The following NEK4 variants were observed in gnomAD, a reference collection of about 807,000 sequenced individuals.
NEK4 encodes serine/threonine-protein kinase Nek4.
Under a neutral mutation model 98.4 loss-of-function variants are expected in NEK4, and 86 were observed. That is an observed-to-expected ratio of 0.87 (90% CI 0.73 to 1.05). The LOEUF (loss-of-function observed/expected upper bound fraction) is 1.05, where lower values mean the gene tolerates loss of function less well. Among genes scored for constraint, NEK4 ranks in the 50% least tolerant of loss-of-function variants. NEK4 has a pLI of 0.00. For missense variants in NEK4, 898 were observed against 950.3 expected (o/e 0.94, Z 0.72); for synonymous variants, 328 against 342.2 (o/e 0.96, Z 0.46).
chr3:52,753,561 A>C (rs2097409349), intron 6 of NEK4: 1 of 540,404 alleles, frequency 1.9e-6, no homozygotes, highest in Non-Finnish European at 3.7e-6. Context: ...CAAGCTCTAC[A>C]TGGAAACGAT....
chr3:52,744,739 CA>C (rs113854356), intron 10 of NEK4, among the ~76,000 whole-genome samples: 434 of 135,478 alleles, frequency 3.2e-3, no homozygotes, highest in Non-Finnish European at 3.2e-3. Flanking sequence ...ACAGCAAGAC[CA>C]AAAAAAAAAA....
At chr3:52,768,185 C>T (rs1260793740) in intron 2 of NEK4, among the ~76,000 whole-genome samples, 153 bp downstream of exon 2, 2 of 152,188 alleles carry the variant, frequency 1.3e-5, no homozygotes, top group African/African-American at 2.4e-5. Flanking sequence ...AGTTCCAATG[C>T]TACAGAAAGA....
chr3:52,746,265 T>G (rs1333338210), intron 9 of NEK4, 55 bp from the exon 10 acceptor site: 2 of 1,518,592 alleles, frequency 1.3e-6, no homozygotes, highest in African/African-American at 1.4e-5. Context: ...CTTCCAATGT[T>G]CCCCTATCAG....
At chr3:52,744,483 A>T (rs2097392387) in intron 10 of NEK4, among the ~76,000 whole-genome samples, 178 bp from the exon 11 acceptor site, 1 of 152,104 alleles carries the variant, frequency 6.6e-6, no homozygotes, top group Non-Finnish European at 1.5e-5. Context: ...CAGGAGTTCG[A>T]GGCCAGACTG....
At chr3:52,724,542 T>C (rs1053201376) in intron 15 of NEK4, among the ~76,000 whole-genome samples, 1 of 120,918 alleles carries the variant, frequency 8.3e-6, no homozygotes, top group Non-Finnish European at 1.8e-5. Context: ...AAGGGAATTC[T>C]GTGGGTTGAA....
chr3:52,753,652 C>CA (rs1216480026), intron 6 of NEK4: 1 of 586,170 alleles, frequency 1.7e-6, no homozygotes, highest in East Asian at 4.5e-5. Context: ...CTTCTATTCC[C>CA]AAAAATGCTT....
chr3:52,730,547 C>G (rs2097368631), intron 15 of NEK4, among the ~76,000 whole-genome samples: 1 of 152,116 alleles, frequency 6.6e-6, no homozygotes, highest in Non-Finnish European at 1.5e-5. Flanking sequence ...TAACAAAATC[C>G]AGATGATTAA....
chr3:52,762,439 T>C (rs1559448318), intron 5 of NEK4, among the ~76,000 whole-genome samples: 4 of 152,142 alleles, frequency 2.6e-5, no homozygotes, highest in Admixed American at 2.0e-4. Flanking sequence ...GTAGTGCATA[T>C]GTCCTTTAAA....
intron 15 of NEK4, among the ~76,000 whole-genome samples, chr3:52,734,231 G>A (rs905840404): frequency 1.3e-5 from 2 of 151,952 alleles, no homozygotes; most frequent in East Asian, 1.9e-4. Flanking sequence ...TGGATCACGA[G>A]GTCAGGAGTT....
At position 52,766,846 on chromosome 3, in the gene NEK4, C is replaced by T. The variant is rs936907387; in HGVS notation, c.361-471G>A. On this transcript the variant is annotated intron_variant, in intron 2 of 15. Coordinates refer to ENST00000233027, the MANE Select transcript of NEK4 (RefSeq NM_003157.6). ...CTAAAAATACAAAAAATTAGCCGGG[C>T]GCAGTGGCGGGCGCCTGTAGTCCCA... 1.2e-4 allele frequency among the ~76,000 whole-genome samples: 19 copies of T among 152,170 alleles called. No homozygotes were observed. The South Asian group carries it at 1.5e-3, about 12-fold the overall frequency.
chr3:52,770,626 C>T, intron 1 of NEK4, 28 bp downstream of exon 1: 1 of 1,482,694 alleles, frequency 6.7e-7, no homozygotes, highest in Non-Finnish European at 9.2e-7. Context: ...CCCGCCCCCG[C>T]CCCTTGCCGG....
chr3:52,737,696 T>C lies in NEK4; in HGVS notation c.2323A>G (p.Ile775Val). Residue 775 changes from isoleucine to valine, a missense_variant, in exon 15 of 16, where the codon ATC (isoleucine) becomes GTC (valine). Physicochemically the swap from Ile to Val is conservative, Grantham distance 29. Transcript: ENST00000233027. Reference sequence around the variant, plus strand: ...CTCAAGACTTCAACTAGTCTCCTGATCTTTTCAGAACCTGGCATAATAGCT... The same window carrying C: ...CTCAAGACTTCAACTAGTCTCCTGACCTTTTCAGAACCTGGCATAATAGCT... Reference protein sequence around the residue: ...PSAIMPGSEKIRRLVEVLRTD... With the variant: ...PSAIMPGSEKVRRLVEVLRTD... 6.2e-7 allele frequency: 1 copy of C among 1,613,688 alleles called. No homozygotes were observed. The highest frequency in any genetic ancestry group is 2.2e-5 in the East Asian group (1 of 44,876).
intron 14 of NEK4, among the ~76,000 whole-genome samples, chr3:52,739,224 C>T (rs1250386868): frequency 6.6e-6 from 1 of 152,072 alleles, no homozygotes; most frequent in Non-Finnish European, 1.5e-5. Context: ...AATGGTGAAA[C>T]CCCGCCTCTA....
At chr3:52,755,700 CA>C (rs2097414085) in intron 6 of NEK4, among the ~76,000 whole-genome samples, 1 of 147,144 alleles carries the variant, frequency 6.8e-6, no homozygotes, top group African/African-American at 2.5e-5. Context: ...AGCAATTAGG[CA>C]AGGAAAAAAA....
intron 6 of NEK4, among the ~76,000 whole-genome samples, 167 bp downstream of exon 6, chr3:52,760,628 A>T (rs1698319956): frequency 6.6e-6 from 1 of 152,392 alleles, no homozygotes; most frequent in African/African-American, 2.4e-5. Flanking sequence ...AATTTGGATA[A>T]AGCTAAATCA....
intron 15 of NEK4, among the ~76,000 whole-genome samples, chr3:52,724,968 AT>A (rs1385955184): frequency 1.3e-5 from 2 of 152,238 alleles, no homozygotes; most frequent in African/African-American, 2.4e-5. Flanking sequence ...TAAAAAATAT[AT>A]TTGTAAAAGA....
At chr3:52,735,292 C>T (rs984073380) in intron 15 of NEK4, among the ~76,000 whole-genome samples, 4 of 152,114 alleles carry the variant, frequency 2.6e-5, no homozygotes, top group African/African-American at 7.2e-5. Flanking sequence ...TTTGTTAGAG[C>T]GAAATTTATT....
intron 15 of NEK4, among the ~76,000 whole-genome samples, chr3:52,716,463 TC>T (rs1371845966): frequency 6.6e-6 from 1 of 152,226 alleles, no homozygotes; most frequent in Non-Finnish European, 1.5e-5. Flanking sequence ...TCTGTTTTAA[TC>T]TTTCATCTGA....
intron 15 of NEK4, among the ~76,000 whole-genome samples, chr3:52,728,119 C>T (rs1443058493): frequency 6.6e-6 from 1 of 152,124 alleles, no homozygotes; most frequent in Non-Finnish European, 1.5e-5. Context: ...ACACCTGTAA[C>T]CCCAGTACTT....
Sources: gnomAD v4.1 joint callset for allele counts (sites outside exome capture counted in the v4.1 genomes callset) on GRCh38, gnomAD v4.1.1 for gene constraint, MANE v1.5 for transcripts, NCBI Gene and HGNC (gene_info 2026-07-23, HGNC 2026-07-21) for gene names.